Variants in STAG1 observed in about 807,000 individuals in gnomAD.
The protein encoded by STAG1 is cohesin subunit SA-1.
Under a neutral mutation model 170.9 loss-of-function variants are expected in STAG1, and 26 were observed. The ratio of observed to expected loss-of-function variants is 0.15; its 90% CI spans 0.11 to 0.21. The LOEUF (loss-of-function observed/expected upper bound fraction) is 0.21, where lower values mean the gene tolerates loss of function less well. Among genes scored for constraint, STAG1 ranks in the 10% least tolerant of loss-of-function variants. The pLI is 1.00. For synonymous variants in STAG1, 514 were observed against 497.7 expected, an observed-to-expected ratio of 1.03 and a Z score of -0.44; for missense variants, 964 against 1,509.5, an observed-to-expected ratio of 0.64 and a Z score of 5.99.
At chr3:136,469,813 C>T (rs2089575204) in intron 12 of STAG1, among the ~76,000 whole-genome samples, 1 of 152,204 alleles carries the variant, frequency 6.6e-6, no homozygotes, top group Non-Finnish European at 1.5e-5. Context: ...CAGAACAGAG[C>T]CCTCACAAAT....
At chr3:136,672,803 T>C (rs2107877464) in intron 1 of STAG1, among the ~76,000 whole-genome samples, 1 of 152,312 alleles carries the variant, frequency 6.6e-6, no homozygotes, top group African/African-American at 2.4e-5. Flanking sequence ...AAAGTTCATA[T>C]TTTAAAATAT....
chr3:136,539,358 A>G (rs1232790035), intron 6 of STAG1, among the ~76,000 whole-genome samples: 1 of 152,216 alleles, frequency 6.6e-6, no homozygotes, highest in Non-Finnish European at 1.5e-5. Context: ...ACGATTAGAC[A>G]GGAAAAGAGA....
At chr3:136,533,034 A>C (rs1935454834) in intron 6 of STAG1, among the ~76,000 whole-genome samples, 2 of 152,196 alleles carry the variant, frequency 1.3e-5, no homozygotes, top group African/African-American at 4.8e-5. Flanking sequence ...CCTCTACCAA[A>C]AAATTCTTAG....
intron 30 of STAG1, among the ~76,000 whole-genome samples, chr3:136,342,415 C>T (rs1351128791): frequency 2.0e-5 from 3 of 151,504 alleles, no homozygotes; most frequent in Non-Finnish European, 4.4e-5. Context: ...GCCTCCCAGG[C>T]TCCAGTGCTG....
intron 1 of STAG1, among the ~76,000 whole-genome samples, chr3:136,733,079 CCTAA>C (rs1231625712): frequency 1.1e-3 from 169 of 150,090 alleles, no homozygotes; most frequent in African/African-American, 4.0e-3. Flanking sequence ...GTGGTTAAAA[CCTAA>C]CTTTTTTTTT....
chr3:136,421,113 C>T lies in STAG1; in HGVS notation c.2088G>A (p.Lys696=). The change falls in exon 20 of 34, where the codon AAG becomes AAA. Residue 696 remains lysine (K), a synonymous_variant. Coordinates refer to ENST00000383202, the MANE Select transcript of STAG1 (RefSeq NM_005862.3). ...CGTACTTGTGAAAAGAAGTTAACCGCTTTAATGTAGAAAGAACATTGTAAA... is the reference window on the plus strand; with the variant it reads ...CGTACTTGTGAAAAGAAGTTAACCGTTTTAATGTAGAAAGAACATTGTAAA... The part of the protein sequence containing the change: ...DDIYNVLSTL[K]RLTSFHNAHD... 2.5e-6 allele frequency: 4 copies of T among 1,605,426 alleles called. 1 individual carries two copies. Among genetic ancestry groups the T allele is most frequent in the Non-Finnish European group, 3.4e-6 (4 of 1,175,946 alleles).
chr3:136,504,356 C>T (rs373338975), intron 7 of STAG1, among the ~76,000 whole-genome samples: 12 of 152,166 alleles, frequency 7.9e-5, no homozygotes, highest in Admixed American at 2.0e-4. Flanking sequence ...ATGGATTTTT[C>T]AGGATTTTTG....
intron 2 of STAG1, among the ~76,000 whole-genome samples, chr3:136,624,230 C>T (rs1262876632): frequency 2.0e-5 from 3 of 151,908 alleles, no homozygotes; most frequent in African/African-American, 7.2e-5. Context: ...TCCCAAGTAG[C>T]TGGGACTACA....
chr3:136,747,093 T>TAAAAAAA (rs71134408), intron 1 of STAG1, among the ~76,000 whole-genome samples: 1,058 of 59,186 alleles, frequency 0.018, 89 homozygotes, highest in Non-Finnish European at 0.022. Flanking sequence ...TGAAACTGTC[T>TAAAAAAA]AAAAAAAAAA....
At chr3:136,535,020 G>C (rs1235127331) in intron 6 of STAG1, among the ~76,000 whole-genome samples, 1 of 152,160 alleles carries the variant, frequency 6.6e-6, no homozygotes, top group Non-Finnish European at 1.5e-5. Context: ...TAGATGAATG[G>C]ATAAAGAAAA....
chr3:136,742,534 A>T (rs1044212739), intron 1 of STAG1, among the ~76,000 whole-genome samples: 94 of 152,094 alleles, frequency 6.2e-4, no homozygotes, highest in African/African-American at 2.2e-3. Flanking sequence ...CTAACATGGC[A>T]AAACCCCGTC....
intron 1 of STAG1, among the ~76,000 whole-genome samples, chr3:136,729,640 T>G (rs1933891154): frequency 6.9e-6 from 1 of 145,762 alleles, no homozygotes; most frequent in Non-Finnish European, 1.5e-5. Flanking sequence ...TGACATGATC[T>G]CGGCTCACTG....
chr3:136,737,326 A>C, intron 1 of STAG1: 7 of 371,664 alleles, frequency 1.9e-5, no homozygotes, highest in Admixed American at 3.6e-5. Context: ...CTGGTCTCCA[A>C]CTCCTGACCT....
intron 10 of STAG1, among the ~76,000 whole-genome samples, chr3:136,475,616 C>T (rs2089729774): frequency 6.6e-6 from 1 of 152,168 alleles, no homozygotes. Context: ...GGCTGGATTG[C>T]TATGAGGTAA....
At chr3:136,514,752 G>A (rs1934261584) in intron 7 of STAG1, among the ~76,000 whole-genome samples, 2 of 152,150 alleles carry the variant, frequency 1.3e-5, no homozygotes, top group African/African-American at 4.8e-5. Flanking sequence ...ATGAGTTCAC[G>A]TCCTTTGCAG....
chr3:136,422,360 G>C (rs761785654), intron 19 of STAG1, 50 bp downstream of exon 19: 1 of 1,521,808 alleles, frequency 6.6e-7, no homozygotes, highest in Non-Finnish European at 9.1e-7. Context: ...GCTATCTTAA[G>C]TAATTCTCAG....
chr3:136,401,294 A>G (rs1182791012), intron 21 of STAG1, among the ~76,000 whole-genome samples: 2 of 152,164 alleles, frequency 1.3e-5, no homozygotes, highest in African/African-American at 4.8e-5. Context: ...AACCTATCCA[A>G]ATTGGAGTTC....
intron 1 of STAG1, among the ~76,000 whole-genome samples, chr3:136,666,533 T>TA (rs559526030): frequency 1.3e-5 from 2 of 152,252 alleles, no homozygotes; most frequent in Admixed American, 1.3e-4. Context: ...AACTGTTTGA[T>TA]ACGACTGGGC....
intron 14 of STAG1, among the ~76,000 whole-genome samples, chr3:136,443,780 AT>A (rs11306711): frequency 0.72 from 108,938 of 151,644 alleles, 39,215 homozygotes; most frequent in East Asian, 0.85. Context: ...GAAATTAATA[AT>A]TTTTCCCTTG....
Sources: gnomAD v4.1 joint callset for allele counts (sites outside exome capture counted in the v4.1 genomes callset) on GRCh38, gnomAD v4.1.1 for gene constraint, MANE v1.5 for transcripts, NCBI Gene and HGNC (gene_info 2026-07-23, HGNC 2026-07-21) for gene names.